PRSS22: variants seen among roughly 807,000 people sequenced by gnomAD.
PRSS22 encodes the protein serine protease 22.
A neutral mutation model predicts 28.0 loss-of-function variants in PRSS22; 26 were observed. The ratio of observed to expected loss-of-function variants is 0.93; its 90% CI spans 0.68 to 1.29. The LOEUF is 1.29. Ranked by LOEUF, PRSS22 falls within the 50% of genes most tolerant of loss-of-function variation. The pLI is 0.00. For missense variants in PRSS22, 444 were observed against 422.1 expected (o/e 1.05, Z -0.46); for synonymous variants, 217 against 177.9 (o/e 1.22, Z -1.75).
chr16:2,857,750 G>C, intron 1 of PRSS22: 1 of 341,078 alleles, frequency 2.9e-6, no homozygotes, highest in Non-Finnish European at 5.3e-6. Flanking sequence ...AGGACGAGGA[G>C]ATGGGAGAAC....
intron 1 of PRSS22, 133 bp downstream of exon 1, chr16:2,857,890 G>C (rs930709115): frequency 4.9e-6 from 3 of 611,562 alleles, no homozygotes; most frequent in Middle Eastern, 4.2e-4. Context: ...AGCAGTTAAG[G>C]AGCAAGAGAT....
chr16:2,857,981 TG>T, intron 1 of PRSS22, 41 bp downstream of exon 1: 1 of 1,223,876 alleles, frequency 8.2e-7, no homozygotes. Context: ...GGAAGGAGGG[TG>T]GAGGTGAGAG....
At chr16:2,854,324 G>C (rs191457694) in intron 4 of PRSS22, 22 of 317,168 alleles carry the variant, frequency 6.9e-5, no homozygotes, top group Non-Finnish European at 1.2e-4. Flanking sequence ...ATCCAGCACT[G>C]GGACTGCTAT....
intron 2 of PRSS22, among the ~76,000 whole-genome samples, 189 bp from the exon 3 acceptor site, chr16:2,856,442 T>C (rs1353496639): frequency 3.3e-5 from 5 of 151,506 alleles, no homozygotes; most frequent in Admixed American, 1.3e-4. Flanking sequence ...ACCCACATCC[T>C]AAGCTCCACC....
rs200377584 is a variant in PRSS22 at position 2,853,192 on chromosome 16, C to A, written c.855G>T (p.Val285=). The change falls in exon 6 of 6, where the codon GTG becomes GTT. Residue 285 remains valine, a synonymous_variant. Coordinates refer to ENST00000161006, the MANE Select transcript of PRSS22 (RefSeq NM_022119.4). This position sits in a 1 kb window ranked among gnomAD's most constrained non-coding sequence, Gnocchi z 4.6. Reference sequence around the variant, plus strand: ...GCTGCACCCCTTGCACGATCTTCTCCACCCAGGAGCGGTGCGCAGAGAGGC... The same window carrying A: ...GCTGCACCCCTTGCACGATCTTCTCAACCCAGGAGCGGTGCGCAGAGAGGC... ...YISLSAHRSW[V]EKIVQGVQLR... is the part of the protein sequence containing the mutation. 6.2e-7 allele frequency: 1 copy of A among 1,600,050 alleles called. No individual in the cohort carries two copies. The highest frequency in any genetic ancestry group is 1.1e-5 in the South Asian group (1 of 91,084).
chr16:2,857,700 G>A (rs564030485), intron 1 of PRSS22: 11 of 235,204 alleles, frequency 4.7e-5, no homozygotes, highest in Non-Finnish European at 7.4e-5. Context: ...CCTGCGGCAG[G>A]AACAACACAA....
chr16:2,856,039 C>T (rs368450305), intron 3 of PRSS22, 43 bp downstream of exon 3: 1 of 1,601,364 alleles, frequency 6.2e-7, no homozygotes, highest in Admixed American at 1.7e-5. Context: ...GCACAAAGCC[C>T]AGGGCCTTAG....
chr16:2,855,907 G>A lies in PRSS22; in HGVS notation c.282-56C>T, dbSNP rs993585226. ...AGGCCTGGTCTGGGAGGAGGTACCTGGGGGAACAGCATGGGTGTGAAGGCC... is the reference window on the plus strand; with the variant it reads ...AGGCCTGGTCTGGGAGGAGGTACCTAGGGGAACAGCATGGGTGTGAAGGCC... On this transcript the variant is annotated intron_variant, in intron 3 of 5. Coordinates refer to ENST00000161006, the MANE Select transcript of PRSS22 (RefSeq NM_022119.4). 2.5e-6 allele frequency: 4 copies of A among 1,571,580 alleles called. No individual in the cohort carries two copies. In the African/African-American group the frequency reaches 5.4e-5, roughly 21 times the overall value.
At position 2,852,938 on chromosome 16, in the gene PRSS22, G is replaced by A. The variant is rs1216240392; in HGVS notation, c.*155C>T. On this transcript the variant is annotated 3_prime_UTR_variant, in exon 6 of 6. Transcript: ENST00000161006. ...CTGAGGCCGTCGGGCGGGTCGGGGA[G>A]GGGGTTTCCTTTCCGCAGCAGCCGT... 3 of 613,924 alleles carry A rather than the reference G, an allele frequency of 4.9e-6. No individual in the cohort carries two copies. Among genetic ancestry groups the A allele is most frequent in the African/African-American group, 3.9e-5 (2 of 51,060 alleles). The allele number at this position is 613,924 out of a possible 1,614,324, so 38.0% of individuals were successfully genotyped here.
chr16:2,856,919 G>A (rs1596326676), intron 1 of PRSS22, 71 bp from the exon 2 acceptor site: 5 of 1,511,340 alleles, frequency 3.3e-6, no homozygotes, highest in Middle Eastern at 1.8e-4. Flanking sequence ...GGCCCTCAAC[G>A]CCCAGTGAGG....
At chr16:2,854,260 T>C in intron 4 of PRSS22, 1 of 499,732 alleles carries the variant, frequency 2.0e-6, no homozygotes, top group South Asian at 2.8e-5. Context: ...TAATAAATTT[T>C]CTTATATCCA....
At chr16:2,854,991 A>C (rs148929403) in intron 4 of PRSS22, among the ~76,000 whole-genome samples, 1 of 152,152 alleles carries the variant, frequency 6.6e-6, no homozygotes, top group African/African-American at 2.4e-5. Context: ...CCATTCCTGT[A>C]TTGATGAATT....
intron 3 of PRSS22, 105 bp from the exon 4 acceptor site, chr16:2,855,956 G>C (rs1006057586): frequency 6.6e-7 from 1 of 1,509,532 alleles, no homozygotes; most frequent in African/African-American, 1.4e-5. Flanking sequence ...GAGGCTTCTA[G>C]GTAGAATCGA....
At chr16:2,855,365 A>AAAAAAAG (rs1555473080) in intron 4 of PRSS22, among the ~76,000 whole-genome samples, 8 of 134,582 alleles carry the variant, frequency 5.9e-5, no homozygotes, top group East Asian at 2.2e-4. Flanking sequence ...AAAAAAAAAA[A>AAAAAAAG]AAGAAGAAGA....
rs1477201472 is a variant in PRSS22 at position 2,853,684 on chromosome 16, A to C, written c.717+181T>G. Among the ~76,000 whole-genome samples the C allele has an allele frequency of 6.6e-6, 1 of 152,208 alleles. No homozygotes were observed. The highest frequency in any genetic ancestry group is 1.9e-4 in the East Asian group (1 of 5,194). On this transcript the variant is annotated intron_variant, in intron 5 of 5. Transcript: ENST00000161006. The surrounding 1 kb of genome is among the most constrained non-coding windows in gnomAD (Gnocchi z 4.6). Reference sequence around the variant, plus strand: ...CTGGGATGCCCAGTTTAATGTCTGAACAAATAAGTGAGTGGCTGAGCCAGG... The same window carrying C: ...CTGGGATGCCCAGTTTAATGTCTGACCAAATAAGTGAGTGGCTGAGCCAGG...
chr16:2,853,065 A>C lies in PRSS22; in HGVS notation c.*28T>G. On this transcript the variant is annotated 3_prime_UTR_variant, in exon 6 of 6. Coordinates refer to ENST00000161006, the MANE Select transcript of PRSS22 (RefSeq NM_022119.4). The surrounding 1 kb of genome is among the most constrained non-coding windows in gnomAD (Gnocchi z 4.6). The stretch of plus-strand genomic sequence containing the variant: ...CCAGATGTGGATCTGGCCGCCTTTC[A>C]GATCCGAGCCCCGCGTCCCGCTGCG... The C allele has an allele frequency of 6.9e-7, 1 of 1,454,158 alleles. No individual in the cohort carries two copies. Among genetic ancestry groups the C allele is most frequent in the Non-Finnish European group, 9.3e-7 (1 of 1,079,622 alleles). The allele number at this position is 1,454,158 out of a possible 1,614,324, so 90.1% of individuals were successfully genotyped here. A position where few individuals can be genotyped will look rare whatever the true frequency, so the allele number is the denominator to read the frequency against.
In PRSS22 at chr16:2,858,075, C is replaced by A; in HGVS notation, c.30G>T (p.Leu10=). ...TGAAGGTGCCGAGACAGCCCCCACC[C>A]AGGGCTGGGGGCGCTCCAGAAACCA... is the stretch of plus-strand genomic sequence containing the variant. MVVSGAPPA[L]GGGCLGTFTS... is the part of the protein sequence containing the mutation. Residue 10 remains leucine, a synonymous_variant, in exon 1 of 6, where the codon CTG becomes CTT. Transcript: ENST00000161006. The A allele has an allele frequency of 7.8e-7, 1 of 1,275,312 alleles. No individual in the cohort carries two copies. Among genetic ancestry groups the A allele is most frequent in the Middle Eastern group, 2.0e-4 (1 of 4,886 alleles). The allele number at this position is 1,275,312 out of a possible 1,614,324, so 79.0% of individuals were successfully genotyped here.
At position 2,853,457 on chromosome 16, in the gene PRSS22, G is replaced by A. The variant is rs751415012; in HGVS notation, c.718-128C>T. On this transcript the variant is annotated intron_variant, in intron 5 of 5. Coordinates refer to ENST00000161006, the MANE Select transcript of PRSS22 (RefSeq NM_022119.4). This position sits in a 1 kb window ranked among gnomAD's most constrained non-coding sequence, Gnocchi z 4.6. ...CGTTTCTCCTTCCTGGAGGAGACAGGACCTGAGCTCCACCCAGGTGAGAAG... is the reference window on the plus strand; with the variant it reads ...CGTTTCTCCTTCCTGGAGGAGACAGAACCTGAGCTCCACCCAGGTGAGAAG... The A allele has an allele frequency of 6.2e-5, 47 of 761,952 alleles. No individual in the cohort carries two copies. Among genetic ancestry groups the A allele is most frequent in the Non-Finnish European group, 9.8e-5 (47 of 480,760 alleles). The allele number at this position is 761,952 out of a possible 1,614,324, so 47.2% of individuals were successfully genotyped here. A position where few individuals can be genotyped will look rare whatever the true frequency, so the allele number is the denominator to read the frequency against.
At chr16:2,855,295 T>C (rs1291697688) in intron 4 of PRSS22, among the ~76,000 whole-genome samples, 1 of 138,068 alleles carries the variant, frequency 7.2e-6, no homozygotes. Flanking sequence ...CTGCAGTGAG[T>C]TAGGATCACA....
Sources: allele counts gnomAD v4.1 joint callset (sites outside exome capture counted in the v4.1 genomes callset), GRCh38; gene constraint gnomAD v4.1.1; non-coding constraint Gnocchi (gnomAD v3.1); transcripts MANE v1.5; gene names NCBI Gene and HGNC (gene_info 2026-07-23, HGNC 2026-07-21).